HEPACAM2: variants seen among roughly 807,000 people sequenced by gnomAD.
HEPACAM2 encodes the protein HEPACAM family member 2, also known as mitotic kinetics regulator.
In HEPACAM2, 49 loss-of-function variants were observed where a neutral mutation model predicts 49.6. That is an observed-to-expected ratio of 0.99 (90% CI 0.78 to 1.25). HEPACAM2 has a LOEUF of 1.25. Among genes scored for constraint, HEPACAM2 ranks in the 50% most tolerant of loss-of-function variants. HEPACAM2 has a pLI of 0.00. For synonymous variants in HEPACAM2, 197 were observed against 202.9 expected (o/e 0.97, Z 0.25); for missense variants, 525 against 557.2 (o/e 0.94, Z 0.58).
chr7:93,208,882 T>A lies in HEPACAM2; in HGVS notation c.716-6A>T, dbSNP rs1304930462. 6.5e-7 allele frequency: 1 copy of A among 1,547,870 alleles called. No homozygotes were observed. The highest frequency in any genetic ancestry group is 8.7e-7 in the Non-Finnish European group (1 of 1,151,890). On this transcript the variant is annotated splice_polypyrimidine_tract_variant and splice_region_variant and intron_variant, in intron 3 of 9. Coordinates refer to ENST00000394468, the MANE Select transcript of HEPACAM2 (RefSeq NM_001039372.4). Reference sequence around the variant, plus strand: ...TTGAAGTCCATAAGGTCCATCTGCATCAATATAAAAAAAAATAGATAAGTA... The same window carrying A: ...TTGAAGTCCATAAGGTCCATCTGCAACAATATAAAAAAAAATAGATAAGTA...
At chr7:93,212,322 C>T (rs2116694618) in intron 3 of HEPACAM2, among the ~76,000 whole-genome samples, 1 of 152,062 alleles carries the variant, frequency 6.6e-6, no homozygotes, top group East Asian at 1.9e-4. Flanking sequence ...TTTTTCTCTT[C>T]TGTCTGTTTT....
chr7:93,212,692 C>G (rs1794205902), intron 3 of HEPACAM2, among the ~76,000 whole-genome samples: 1 of 152,072 alleles, frequency 6.6e-6, no homozygotes, highest in East Asian at 1.9e-4. Flanking sequence ...AACTACATCT[C>G]ACACTCTACA....
rs543132322 is a variant in HEPACAM2 at position 93,209,755 on chromosome 7, C to T, written c.716-879G>A. ...TGGCCACTATTTTCTCTTTAACAACCATACTTTCAGTATTATCTATTTTTC... is the reference window on the plus strand; with the variant it reads ...TGGCCACTATTTTCTCTTTAACAACTATACTTTCAGTATTATCTATTTTTC... On this transcript the variant is annotated intron_variant, in intron 3 of 9. Coordinates refer to ENST00000394468, the MANE Select transcript of HEPACAM2 (RefSeq NM_001039372.4). 3.9e-5 allele frequency among the ~76,000 whole-genome samples: 6 copies of T among 151,946 alleles called. No individual in the cohort carries two copies. The East Asian group carries it at 9.7e-4, about 24-fold the overall frequency.
Position 93,208,634 on chromosome 7 carries a change from T to G in HEPACAM2, c.958A>C (p.Asn320His), listed in dbSNP as rs1794092035. Residue 320 changes from asparagine (N) to histidine (H), a missense_variant, in exon 4 of 10, where the codon AAC becomes CAC. Physicochemically the swap from Asn to His is moderately conservative, Grantham distance 68 (BLOSUM62 1). Transcript: ENST00000394468. ...GTTTCATCTTGCCTGCCGGTTATGTTGTTGTAAGCACAGCACACATAGTCC... is the reference window on the plus strand; with the variant it reads ...GTTTCATCTTGCCTGCCGGTTATGTGGTTGTAAGCACAGCACACATAGTCC... ...TMDYVCCAYN[N>H]ITGRQDETHF... is the part of the protein sequence containing the mutation. 3 of 1,613,080 alleles carry G rather than the reference T, an allele frequency of 1.9e-6. No individual in the cohort carries two copies. Among genetic ancestry groups the G allele is most frequent in the African/African-American group, 2.7e-5 (2 of 74,930 alleles).
rs756132253 is a variant in HEPACAM2 at position 93,208,565 on chromosome 7, G to T, written c.1012+15C>A. Reference sequence around the variant, plus strand: ...CATGTTTTATTAGGATCCCTTCCTTGTATGTCACACATACCTACGGAAGTG... The same window carrying T: ...CATGTTTTATTAGGATCCCTTCCTTTTATGTCACACATACCTACGGAAGTG... On this transcript the variant is annotated intron_variant, in intron 4 of 9. Transcript: ENST00000394468. The T allele has an allele frequency of 4.0e-5, 64 of 1,604,480 alleles. No individual in the cohort carries two copies. The African/African-American group carries it at 7.5e-4, about 19-fold the overall frequency.
intron 4 of HEPACAM2, among the ~76,000 whole-genome samples, chr7:93,207,175 A>T (rs1372803951): frequency 6.6e-6 from 1 of 152,154 alleles, no homozygotes; most frequent in African/African-American, 2.4e-5. Context: ...TCAACAAAAC[A>T]TATTGAGTTT....
At chr7:93,200,332 C>T (rs1793850265) in intron 4 of HEPACAM2, among the ~76,000 whole-genome samples, 1 of 152,044 alleles carries the variant, frequency 6.6e-6, no homozygotes, top group Non-Finnish European at 1.5e-5. Context: ...GGTAAGTCCT[C>T]ACTTAACATC....
chr7:93,224,008 A>C (rs1368109246), intron 1 of HEPACAM2, among the ~76,000 whole-genome samples: 1 of 152,168 alleles, frequency 6.6e-6, no homozygotes, highest in Non-Finnish European at 1.5e-5. Flanking sequence ...ATGTGAGAAA[A>C]CTTAGCTTCA....
In HEPACAM2 at chr7:93,215,556, C is replaced by T; in HGVS notation, c.560G>A (p.Arg187Lys). ...GTAGGTGGAGCTGGTGTGGACAGGT[C>T]TCCCATTTTTTAGCCATTGGTAAGC... ...RLAYQWLKNG[R>K]PVHTSSTYSF... The change falls in exon 3 of 10, where the codon AGA (arginine) becomes AAA (lysine). Residue 187 changes from arginine (R) to lysine (K), a missense_variant. Transcript: ENST00000394468. 6.2e-7 allele frequency: 1 copy of T among 1,613,706 alleles called. No individual in the cohort carries two copies. Among genetic ancestry groups the T allele is most frequent in the Non-Finnish European group, 8.5e-7 (1 of 1,179,832 alleles).
In HEPACAM2 at chr7:93,215,406, A is replaced by G; in HGVS notation, c.710T>C (p.Ile237Thr). ...EMESDIIMPI[I>T]YYGPYGLQVN... ...TTAAAAAAAAATAAACTTACAATATATGATGGGCATAATGATATCACTTTC... is the reference window on the plus strand; with the variant it reads ...TTAAAAAAAAATAAACTTACAATATGTGATGGGCATAATGATATCACTTTC... Residue 237 changes from isoleucine (I) to threonine (T), a missense_variant, in exon 3 of 10, where the codon ATA (isoleucine) becomes ACA (threonine). Transcript: ENST00000394468. 1 of 1,612,828 alleles carries G rather than the reference A, an allele frequency of 6.2e-7. No homozygotes were observed. Among genetic ancestry groups the G allele is most frequent in the Non-Finnish European group, 8.5e-7 (1 of 1,179,122 alleles).
In HEPACAM2 at chr7:93,197,630, T is replaced by C. The variant is rs1440892451; in HGVS notation, c.1013-20A>G. ...CCAGTCCTAAATAAAAAGATAAACA[T>C]ATTTTTAGCAATAAATTGCTACAGT... On this transcript the variant is annotated intron_variant, in intron 4 of 9. Transcript: ENST00000394468. 1 of 1,540,852 alleles carries C rather than the reference T, an allele frequency of 6.5e-7. No individual in the cohort carries two copies. Among genetic ancestry groups the C allele is most frequent in the South Asian group, 1.2e-5 (1 of 80,562 alleles).
At chr7:93,205,121 T>C (rs1370728229) in intron 4 of HEPACAM2, among the ~76,000 whole-genome samples, 2 of 151,622 alleles carry the variant, frequency 1.3e-5, no homozygotes, top group Non-Finnish European at 2.9e-5. Context: ...AAAAAGGCTT[T>C]GAATTCAGAT....
chr7:93,210,970 C>T (rs1254575257), intron 3 of HEPACAM2, among the ~76,000 whole-genome samples: 1 of 151,874 alleles, frequency 6.6e-6, no homozygotes, highest in Non-Finnish European at 1.5e-5. Context: ...AAAGTAAAGG[C>T]AAAAACAGTG....
intron 2 of HEPACAM2, among the ~76,000 whole-genome samples, chr7:93,216,456 C>G (rs1164173672): frequency 1.3e-5 from 2 of 152,302 alleles, no homozygotes; most frequent in East Asian, 3.9e-4. Flanking sequence ...ATCTGCCACA[C>G]AGTAGGCTCT....
chr7:93,221,569 G>C (rs1286789959), intron 1 of HEPACAM2, among the ~76,000 whole-genome samples: 1 of 152,150 alleles, frequency 6.6e-6, no homozygotes, highest in East Asian at 1.9e-4. Flanking sequence ...CCCACAGTTT[G>C]GGCCTTTGGC....
chr7:93,231,564 T>G, the HEPACAM2 span, among the ~76,000 whole-genome samples: 1 of 152,242 alleles, frequency 6.6e-6, no homozygotes, highest in Non-Finnish European at 1.5e-5. Flanking sequence ...GCTATCATTG[T>G]TAGCTTTAGG....
chr7:93,228,388 T>C (rs1032506067), upstream of HEPACAM2, among the ~76,000 whole-genome samples: 4 of 152,134 alleles, frequency 2.6e-5, no homozygotes, highest in African/African-American at 4.8e-5. Context: ...ACGGCACATC[T>C]AGGGAAAGGG....
At chr7:93,189,664 A>T (rs540082025) in intron 9 of HEPACAM2, among the ~76,000 whole-genome samples, 2 of 152,142 alleles carry the variant, frequency 1.3e-5, no homozygotes, top group African/African-American at 4.8e-5. Context: ...CCAGTTTGTT[A>T]AACAGCAGTC....
intron 3 of HEPACAM2, among the ~76,000 whole-genome samples, chr7:93,212,071 T>G (rs191637637): frequency 6.6e-6 from 1 of 152,134 alleles, no homozygotes; most frequent in East Asian, 1.9e-4. Flanking sequence ...TAATGGAGTA[T>G]TCTCACAAGC....
Sources: gnomAD v4.1 joint callset for allele counts (sites outside exome capture counted in the v4.1 genomes callset) on GRCh38, gnomAD v4.1.1 for gene constraint, MANE v1.5 for transcripts, NCBI Gene and HGNC (gene_info 2026-07-23, HGNC 2026-07-21) for gene names.